The following RANBP9 variants were observed in gnomAD, a reference collection of about 807,000 sequenced individuals.
The protein encoded by RANBP9 is RAN binding protein 9.
A neutral mutation model predicts 84.3 loss-of-function variants in RANBP9; 15 were observed. The ratio of observed to expected loss-of-function variants is 0.18; its 90% CI spans 0.12 to 0.27. The LOEUF (loss-of-function observed/expected upper bound fraction) is 0.27, where lower values mean the gene tolerates loss of function less well. Among genes scored for constraint, RANBP9 ranks in the 10% least tolerant of loss-of-function variants. The pLI, the probability that RANBP9 is intolerant of heterozygous loss-of-function variation, is 1.00. For synonymous variants in RANBP9, 392 were observed against 349.6 expected, an observed-to-expected ratio of 1.12 and a Z score of -1.35; for missense variants, 809 against 912.8, an observed-to-expected ratio of 0.89 and a Z score of 1.46.
intron 3 of RANBP9, among the ~76,000 whole-genome samples, 191 bp downstream of exon 3, chr6:13,658,589 G>GAC (rs1765463555): frequency 6.6e-6 from 1 of 152,170 alleles, no homozygotes; most frequent in Admixed American, 6.5e-5. Context: ...CAACCTGGGT[G>GAC]ACACAGTGAG....
chr6:13,644,042 C>T (rs1457864684), intron 6 of RANBP9, among the ~76,000 whole-genome samples: 1 of 152,136 alleles, frequency 6.6e-6, no homozygotes, highest in African/African-American at 2.4e-5. Flanking sequence ...GTGAAGAGGA[C>T]TTTTTAAATT....
chr6:13,703,638 A>C (rs902270718), intron 1 of RANBP9, among the ~76,000 whole-genome samples: 1 of 152,268 alleles, frequency 6.6e-6, no homozygotes, highest in Non-Finnish European at 1.5e-5. Context: ...GCAATTAGCC[A>C]GGCCAATCTG....
At chr6:13,677,479 C>T (rs1227634684) in intron 2 of RANBP9, among the ~76,000 whole-genome samples, 1 of 151,988 alleles carries the variant, frequency 6.6e-6, no homozygotes, top group Admixed American at 6.6e-5. Flanking sequence ...TTTTATCTTA[C>T]AAGACCTAAA....
intron 1 of RANBP9, among the ~76,000 whole-genome samples, chr6:13,700,749 G>A (rs1034610641): frequency 6.6e-6 from 1 of 152,118 alleles, no homozygotes; most frequent in African/African-American, 2.4e-5. Flanking sequence ...TCAAGACCCA[G>A]AGTCTAAAGC....
intron 12 of RANBP9, among the ~76,000 whole-genome samples, chr6:13,627,630 CAAAAAAAAAA>C (rs35401168): frequency 1.5e-5 from 1 of 66,410 alleles, no homozygotes; most frequent in Admixed American, 1.7e-4. Context: ...ACTCCATCTC[CAAAAAAAAAA>C]AAAAAAAAAA....
In RANBP9 at chr6:13,644,700, T is replaced by C; in HGVS notation, c.957A>G (p.Gln319=). 6.2e-7 allele frequency: 1 copy of C among 1,611,676 alleles called. No individual in the cohort carries two copies. The highest frequency in any genetic ancestry group is 1.3e-5 in the African/African-American group (1 of 74,978). The change falls in exon 6 of 14, where the codon CAA becomes CAG. Residue 319 remains glutamine, a synonymous_variant. Transcript: ENST00000011619. ...TGGCATCGACCACTTCTCCTGGTGT[T>C]TGAAGCCCCACAGTAGGATACAAAT... ...PPNLYPTVGL[Q]TPGEVVDANF...
At chr6:13,639,902 T>C in intron 8 of RANBP9, 149 bp from the exon 9 acceptor site, 2 of 662,258 alleles carry the variant, frequency 3.0e-6, no homozygotes, top group East Asian at 2.7e-5. Flanking sequence ...TGGTGTCCTA[T>C]GCTTTAATGC....
At chr6:13,646,118 T>C (rs1029500643) in intron 5 of RANBP9, among the ~76,000 whole-genome samples, 14 of 152,044 alleles carry the variant, frequency 9.2e-5, no homozygotes, top group Non-Finnish European at 2.1e-4. Context: ...CTAAAGACTT[T>C]ATAGAAACAG....
At chr6:13,680,843 C>G (rs976401557) in intron 2 of RANBP9, among the ~76,000 whole-genome samples, 34 of 151,638 alleles carry the variant, frequency 2.2e-4, no homozygotes, top group African/African-American at 7.7e-4. Flanking sequence ...ATAATGGTCA[C>G]AAGCAAATAG....
intron 1 of RANBP9, among the ~76,000 whole-genome samples, chr6:13,708,857 AACAAG>A (rs1413999496): frequency 4.6e-5 from 7 of 151,930 alleles, no homozygotes; most frequent in Non-Finnish European, 7.4e-5. Flanking sequence ...AGTCTACAGT[AACAAG>A]ACAAGAGGAA....
intron 2 of RANBP9, among the ~76,000 whole-genome samples, chr6:13,669,363 A>T (rs1413406325): frequency 1.3e-5 from 2 of 152,170 alleles, no homozygotes; most frequent in African/African-American, 4.8e-5. Context: ...TTGCTGCAGA[A>T]ATTGACAAAC....
intron 9 of RANBP9, 63 bp from the exon 10 acceptor site, chr6:13,638,018 C>A: frequency 1.4e-6 from 2 of 1,423,812 alleles, no homozygotes; most frequent in Non-Finnish European, 1.9e-6. Flanking sequence ...CGGTTGTAAA[C>A]AAGTCTCCAT....
chr6:13,698,119 C>G (rs1757884988), intron 1 of RANBP9, among the ~76,000 whole-genome samples: 1 of 152,092 alleles, frequency 6.6e-6, no homozygotes. Flanking sequence ...TTTACACTTG[C>G]AATGCAAATT....
intron 2 of RANBP9, among the ~76,000 whole-genome samples, chr6:13,667,871 A>AT (rs949971280): frequency 6.6e-6 from 1 of 152,174 alleles, no homozygotes; most frequent in African/African-American, 2.4e-5. Context: ...TACGCAACAC[A>AT]TTTTTTGTTA....
At chr6:13,655,068 G>T (rs1256149808) in intron 4 of RANBP9, among the ~76,000 whole-genome samples, 2 of 152,222 alleles carry the variant, frequency 1.3e-5, no homozygotes, top group Admixed American at 6.5e-5. Flanking sequence ...GTCAATCCCA[G>T]GCAAGTCTGA....
At chr6:13,710,564 T>C (rs996682996) in intron 1 of RANBP9, among the ~76,000 whole-genome samples, 1 of 152,098 alleles carries the variant, frequency 6.6e-6, no homozygotes, top group Non-Finnish European at 1.5e-5. Flanking sequence ...TGGAGAACAA[T>C]GTAACCCAAC....
intron 4 of RANBP9, among the ~76,000 whole-genome samples, chr6:13,655,910 C>CAAAT (rs1363641366): frequency 6.6e-6 from 1 of 152,140 alleles, no homozygotes; most frequent in Non-Finnish European, 1.5e-5. Flanking sequence ...AAACCACACA[C>CAAAT]AAATATACAT....
Position 13,657,097 on chromosome 6 carries a change from T to A in RANBP9, c.904+12A>T, listed in dbSNP as rs1765417044. 1 of 1,590,028 alleles carries A rather than the reference T, an allele frequency of 6.3e-7. No individual in the cohort carries two copies. Among genetic ancestry groups the A allele is most frequent in the Admixed American group, 1.7e-5 (1 of 57,812 alleles). ...ATTTGGTTATTTTGCATGCAATATATTATCTCAGTACCTAAACTATGTCCA... is the reference window on the plus strand; with the variant it reads ...ATTTGGTTATTTTGCATGCAATATAATATCTCAGTACCTAAACTATGTCCA... On this transcript the variant is annotated intron_variant, in intron 4 of 13. Coordinates refer to ENST00000011619, the MANE Select transcript of RANBP9 (RefSeq NM_005493.3).
chr6:13,690,916 A>G (rs1309548258), intron 2 of RANBP9, among the ~76,000 whole-genome samples: 1 of 152,170 alleles, frequency 6.6e-6, no homozygotes, highest in East Asian at 1.9e-4. Context: ...CTGTAATCCC[A>G]ACACTTTGGG....
Sources: gnomAD v4.1 joint callset for allele counts (sites outside exome capture counted in the v4.1 genomes callset) on GRCh38, gnomAD v4.1.1 for gene constraint, MANE v1.5 for transcripts, NCBI Gene and HGNC (gene_info 2026-07-23, HGNC 2026-07-21) for gene names.